The following OPHN1 variants were observed in gnomAD, a reference collection of about 807,000 sequenced individuals.
OPHN1 encodes oligophrenin-1.
Under a neutral mutation model 60.7 loss-of-function variants are expected in OPHN1, and 11 were observed. The ratio of observed to expected loss-of-function variants is 0.18; its 90% confidence interval spans 0.11 to 0.30. The LOEUF is 0.30. Ranked by LOEUF, OPHN1 falls within the 10% of genes least tolerant of loss-of-function variation. The pLI, the probability that OPHN1 is intolerant of heterozygous loss-of-function variation, is 1.00. For synonymous variants in OPHN1, 226 were observed against 222.6 expected (o/e 1.02, Z -0.14); for missense variants, 449 against 611.0 (o/e 0.73, Z 2.80).
At chrX:68,324,223 C>G (rs906339109) in intron 2 of OPHN1, among the ~76,000 whole-genome samples, 1 of 111,333 alleles carries the variant, frequency 9.0e-6, no homozygotes. Flanking sequence ...AACCTACAGG[C>G]AAACCATTAG....
At chrX:68,250,349 T>C (rs989877315) in intron 5 of OPHN1, among the ~76,000 whole-genome samples, 2 of 112,490 alleles carry the variant, frequency 1.8e-5, no homozygotes, top group African/African-American at 3.2e-5. Flanking sequence ...TTATGCACTA[T>C]CTCATTGAAT....
intron 15 of OPHN1, among the ~76,000 whole-genome samples, chrX:68,155,033 A>T (rs1463741698): frequency 2.7e-5 from 3 of 110,697 alleles, no homozygotes; most frequent in Non-Finnish European, 3.8e-5. Flanking sequence ...TTTTTATTAG[A>T]CAAGCAAGAT....
Position 68,058,049 on chromosome X carries a change from G to A in OPHN1, c.2159-4239C>T, listed in dbSNP as rs761982835. The stretch of plus-strand genomic sequence containing the variant: ...ATGTGCAGGCTCGTTACATAGGCTC[G>A]TTACATGTGCCATGCTGGCCTGCTG... On this transcript the variant is annotated intron_variant, in intron 21 of 24. Coordinates refer to ENST00000355520, the MANE Select transcript of OPHN1 (RefSeq NM_002547.3). Among the ~76,000 whole-genome samples the A allele has an allele frequency of 7.5e-4, 84 of 111,312 alleles. 1 individual carries two copies. Among genetic ancestry groups the A allele is most frequent in the African/African-American group, 2.7e-3 (82 of 30,621 alleles).
intron 2 of OPHN1, among the ~76,000 whole-genome samples, chrX:68,389,655 A>T (rs1405796991): frequency 1.9e-5 from 1 of 52,500 alleles, no homozygotes; most frequent in Non-Finnish European, 5.8e-5. Context: ...TGTGTGATTT[A>T]GTAAAAAAAA....
At chrX:68,203,236 C>G (rs894137541) in intron 10 of OPHN1, among the ~76,000 whole-genome samples, 6 of 111,631 alleles carry the variant, frequency 5.4e-5, no homozygotes, top group Admixed American at 4.7e-4. Context: ...GCCTGGGTGA[C>G]AAAGTGAGAT....
At chrX:68,243,603 G>A (rs1020455409) in intron 5 of OPHN1, among the ~76,000 whole-genome samples, 4 of 110,863 alleles carry the variant, frequency 3.6e-5, no homozygotes, top group African/African-American at 1.3e-4. Context: ...GGCCAGGCAG[G>A]TCTCAAACTC....
intron 15 of OPHN1, among the ~76,000 whole-genome samples, chrX:68,131,113 A>G (rs191954310): frequency 9.8e-5 from 11 of 111,863 alleles, no homozygotes; most frequent in African/African-American, 1.9e-4. Flanking sequence ...AATGGTCAAA[A>G]GTCTACCAGG....
chrX:68,390,026 A>T (rs1413245559), intron 2 of OPHN1, among the ~76,000 whole-genome samples: 1 of 111,157 alleles, frequency 9.0e-6, no homozygotes, highest in Non-Finnish European at 1.9e-5. Flanking sequence ...ACAAGGCAGC[A>T]GCAAGGAGAA....
At chrX:68,125,954 T>TATATATATATATATATATATACATAC (rs1262640434) in intron 15 of OPHN1, among the ~76,000 whole-genome samples, 2 of 55,824 alleles carry the variant, frequency 3.6e-5, no homozygotes, top group Non-Finnish European at 7.0e-5. Flanking sequence ...TATATATATA[T>TATATATATATATATATATATACATAC]ATACATACAC....
At chrX:68,311,181 T>C (rs977099114) in intron 2 of OPHN1, among the ~76,000 whole-genome samples, 1 of 111,589 alleles carries the variant, frequency 9.0e-6, no homozygotes, top group Non-Finnish European at 1.9e-5. Context: ...AAGTTGAGGC[T>C]GGAGGATGGC....
Position 68,073,264 on chromosome X carries a change from C to A in OPHN1, c.1722G>T (p.Pro574=), listed in dbSNP as rs752918613. Residue 574 remains proline (P), a synonymous_variant, in exon 20 of 25, where the codon CCG becomes CCT. Coordinates refer to ENST00000355520, the MANE Select transcript of OPHN1 (RefSeq NM_002547.3). The part of the protein sequence containing the change: ...YLGPPEESAA[P]PVPPPRVTAR... ...CTGTCACCCGAGGCGGAGGCACTGG[C>A]GGTGCAGCGCTTTCCTCAGGTGGAC... The A allele has an allele frequency of 3.0e-5, 36 of 1,208,860 alleles. No individual in the cohort carries two copies. In the South Asian group the frequency reaches 6.4e-4, roughly 21 times the overall value.
chrX:68,364,195 T>C (rs2078487523), intron 2 of OPHN1, among the ~76,000 whole-genome samples: 1 of 112,110 alleles, frequency 8.9e-6, no homozygotes, highest in Non-Finnish European at 1.9e-5. Context: ...ACAGTGACTT[T>C]AGGCACTGAG....
chrX:68,358,226 C>A (rs1427872049), intron 2 of OPHN1, among the ~76,000 whole-genome samples: 2 of 110,432 alleles, frequency 1.8e-5, no homozygotes, highest in African/African-American at 6.6e-5. Flanking sequence ...GAGGCTGAGG[C>A]ACGAGAATCG....
chrX:68,076,255 A>G (rs932232133), intron 19 of OPHN1, among the ~76,000 whole-genome samples: 2 of 111,179 alleles, frequency 1.8e-5, no homozygotes, highest in Non-Finnish European at 3.8e-5. Flanking sequence ...AATGCATGCT[A>G]AAAACATGAT....
chrX:68,418,408 T>A (rs776649820), intron 2 of OPHN1, among the ~76,000 whole-genome samples: 3 of 110,621 alleles, frequency 2.7e-5, no homozygotes, highest in Admixed American at 9.7e-5. Flanking sequence ...TGTGCAAAGA[T>A]GGTATTAGGA....
chrX:68,422,720 AAAGG>A (rs373179402), intron 2 of OPHN1, among the ~76,000 whole-genome samples: 4,284 of 87,626 alleles, frequency 0.049, 257 homozygotes, highest in African/African-American at 0.14. Context: ...AGAAAGAAAG[AAAGG>A]AAGGAAGGAA....
intron 18 of OPHN1, among the ~76,000 whole-genome samples, chrX:68,105,301 T>A (rs1189790500): frequency 9.0e-6 from 1 of 110,929 alleles, no homozygotes; most frequent in Admixed American, 9.6e-5. Context: ...GTAATCTCAT[T>A]ACTGAGTATA....
intron 19 of OPHN1, among the ~76,000 whole-genome samples, chrX:68,084,173 A>G (rs2147385825): frequency 9.1e-6 from 1 of 109,690 alleles, no homozygotes; most frequent in South Asian, 4.1e-4. Flanking sequence ...AGTAAAGCAC[A>G]ATAAAGCAAG....
rs770417931 is a variant in OPHN1 at position 68,302,635 on chromosome X, C to T, written c.155-3539G>A. On this transcript the variant is annotated intron_variant, in intron 2 of 24. Coordinates refer to ENST00000355520, the MANE Select transcript of OPHN1 (RefSeq NM_002547.3). ...AAAAAAGAAATTTAAAAAGCAATCA[C>T]GACGGGTTGCAGTGGCTCATGCCTT... 4.5e-5 allele frequency among the ~76,000 whole-genome samples: 5 copies of T among 110,453 alleles called. No homozygotes were observed. The South Asian group carries it at 1.6e-3, about 34-fold the overall frequency.
Sources: gnomAD v4.1 joint callset for allele counts (sites outside exome capture counted in the v4.1 genomes callset) on GRCh38, gnomAD v4.1.1 for gene constraint, MANE v1.5 for transcripts, NCBI Gene and HGNC (gene_info 2026-07-23, HGNC 2026-07-21) for gene names.